The following NLGN1 variants were observed in gnomAD, a reference collection of about 807,000 sequenced individuals.
The protein encoded by NLGN1 is neuroligin-1.
In NLGN1, 12 loss-of-function variants were observed where a neutral mutation model predicts 65.5. The ratio of observed to expected loss-of-function variants is 0.18; its 90% confidence interval spans 0.12 to 0.30. The LOEUF (loss-of-function observed/expected upper bound fraction) is 0.30. Ranked by LOEUF, NLGN1 falls within the 10% of genes least tolerant of loss-of-function variation. NLGN1 has a pLI of 1.00. For synonymous variants in NLGN1, 350 were observed against 359.5 expected (o/e 0.97, Z 0.30); for missense variants, 750 against 1,007.1 (o/e 0.74, Z 3.46).
intron 1 of NLGN1, among the ~76,000 whole-genome samples, chr3:173,401,007 CA>C (rs1169938199): frequency 6.6e-6 from 1 of 152,100 alleles, no homozygotes; most frequent in East Asian, 1.9e-4. Flanking sequence ...CTCATGGGCA[CA>C]AGGTCACTGA....
At chr3:174,143,967 G>T (rs555547824) in intron 4 of NLGN1, among the ~76,000 whole-genome samples, 1 of 152,192 alleles carries the variant, frequency 6.6e-6, no homozygotes, top group South Asian at 2.1e-4. Flanking sequence ...TACAGAGCAT[G>T]CAGGTTTGTT....
chr3:173,708,759 A>G (rs1385579756), intron 3 of NLGN1, among the ~76,000 whole-genome samples: 1 of 152,160 alleles, frequency 6.6e-6, no homozygotes, highest in Non-Finnish European at 1.5e-5. Flanking sequence ...TAGGGGTGGT[A>G]ATGATCATAC....
intron 4 of NLGN1, among the ~76,000 whole-genome samples, chr3:174,119,405 C>T (rs1314670026): frequency 6.6e-6 from 1 of 151,158 alleles, no homozygotes; most frequent in Non-Finnish European, 1.5e-5. Flanking sequence ...TTAACCACTT[C>T]AAAGTATCTC....
At chr3:174,085,382 G>T (rs73186513) in intron 4 of NLGN1, among the ~76,000 whole-genome samples, 85 of 151,750 alleles carry the variant, frequency 5.6e-4, no homozygotes, top group Non-Finnish European at 8.3e-4. Flanking sequence ...TTATAAAATC[G>T]TATCCTCATA....
intron 3 of NLGN1, among the ~76,000 whole-genome samples, chr3:173,774,500 G>A (rs947489576): frequency 6.6e-6 from 1 of 152,108 alleles, no homozygotes; most frequent in Admixed American, 6.6e-5. Context: ...AAGTGAATTG[G>A]AGAATATGCA....
At chr3:173,767,753 C>T (rs983582071) in intron 3 of NLGN1, among the ~76,000 whole-genome samples, 11 of 151,846 alleles carry the variant, frequency 7.2e-5, no homozygotes, top group Admixed American at 7.2e-4. Flanking sequence ...TTATTTTTAT[C>T]CTAATTCTAT....
intron 2 of NLGN1, among the ~76,000 whole-genome samples, chr3:173,560,552 A>G (rs1355556098): frequency 2.6e-5 from 4 of 152,068 alleles, no homozygotes; most frequent in Non-Finnish European, 5.9e-5. Context: ...TCTAGCTTCA[A>G]ATACCCGTCT....
chr3:173,697,162 A>G (rs566444789), intron 3 of NLGN1, among the ~76,000 whole-genome samples: 1 of 152,206 alleles, frequency 6.6e-6, no homozygotes, highest in Admixed American at 6.5e-5. Context: ...ACTCACTAAC[A>G]TATAGATACA....
intron 4 of NLGN1, among the ~76,000 whole-genome samples, chr3:174,034,836 T>C (rs1462993256): frequency 6.6e-6 from 1 of 152,152 alleles, no homozygotes; most frequent in African/African-American, 2.4e-5. Context: ...TAACTTGATA[T>C]CAATAATCAT....
At chr3:173,706,447 T>G (rs984816557) in intron 3 of NLGN1, among the ~76,000 whole-genome samples, 5 of 152,216 alleles carry the variant, frequency 3.3e-5, no homozygotes, top group Admixed American at 1.3e-4. Context: ...ATTATCTCAT[T>G]AGTATGGGTT....
chr3:173,754,025 T>A (rs1454146022), intron 3 of NLGN1, among the ~76,000 whole-genome samples: 3 of 22,172 alleles, frequency 1.4e-4, no homozygotes, highest in Non-Finnish European at 5.3e-4. Context: ...CTTTCTTTTC[T>A]TTTTTTTTTT....
intron 4 of NLGN1, among the ~76,000 whole-genome samples, chr3:173,909,025 C>A (rs1739025701): frequency 6.6e-6 from 1 of 152,064 alleles, no homozygotes; most frequent in Non-Finnish European, 1.5e-5. Context: ...CCCTCTCTAC[C>A]AGTGAGGTGG....
chr3:173,504,606 A>G (rs376263891), intron 2 of NLGN1, among the ~76,000 whole-genome samples: 6 of 152,058 alleles, frequency 3.9e-5, no homozygotes, highest in African/African-American at 1.4e-4. Context: ...AAGGTTAAGA[A>G]AGACCTGTTT....
At chr3:173,892,521 T>C (rs1360290176) in intron 4 of NLGN1, among the ~76,000 whole-genome samples, 1 of 151,248 alleles carries the variant, frequency 6.6e-6, no homozygotes, top group African/African-American at 2.4e-5. Context: ...AGATCACTTC[T>C]TGCAGGCTAA....
intron 3 of NLGN1, among the ~76,000 whole-genome samples, chr3:173,707,161 G>C (rs1768167904): frequency 6.6e-6 from 1 of 152,192 alleles, no homozygotes; most frequent in African/African-American, 2.4e-5. Flanking sequence ...TAAATCCACA[G>C]ATACTTCATG....
At chr3:174,271,646 G>C (rs1209703129) in intron 4 of NLGN1, among the ~76,000 whole-genome samples, 1 of 151,764 alleles carries the variant, frequency 6.6e-6, no homozygotes, top group African/African-American at 2.4e-5. Context: ...CTAGTTGCCA[G>C]ATCAGGTAAA....
In NLGN1 at chr3:174,030,697, A is replaced by G. The variant is rs1729833773; in HGVS notation, c.646+222865A>G. ...TGCTTAATCCACAGGTGGTGGCAGGATGGTAGAGGTAAAATAACAACAAAA... is the reference window on the plus strand; with the variant it reads ...TGCTTAATCCACAGGTGGTGGCAGGGTGGTAGAGGTAAAATAACAACAAAA... On this transcript the variant is annotated intron_variant, in intron 4 of 6. Transcript: ENST00000457714. 2.0e-5 allele frequency among the ~76,000 whole-genome samples: 3 copies of G among 152,154 alleles called. No individual in the cohort carries two copies. In the South Asian group the frequency reaches 6.2e-4, roughly 32 times the overall value.
At chr3:173,484,141 A>AG (rs1727765590) in intron 2 of NLGN1, among the ~76,000 whole-genome samples, 1 of 152,172 alleles carries the variant, frequency 6.6e-6, no homozygotes, top group Non-Finnish European at 1.5e-5. Context: ...TCAATTAAGC[A>AG]GGAAAAAACC....
At chr3:173,404,062 CAGGT>C (rs1560204728) in intron 1 of NLGN1, among the ~76,000 whole-genome samples, 1 of 152,026 alleles carries the variant, frequency 6.6e-6, no homozygotes, top group African/African-American at 2.4e-5. Context: ...AGTTTGCAGA[CAGGT>C]GGGAAACTAA....
Sources: allele counts gnomAD v4.1 joint callset (sites outside exome capture counted in the v4.1 genomes callset), GRCh38; gene constraint gnomAD v4.1.1; transcripts MANE v1.5; gene names NCBI Gene and HGNC (gene_info 2026-07-23, HGNC 2026-07-21).